Variants in MYLK4 observed in about 807,000 individuals in gnomAD.
The protein encoded by MYLK4 is myosin light chain kinase family member 4.
In MYLK4, 46 loss-of-function variants were observed where a neutral mutation model predicts 48.1. The ratio of observed to expected loss-of-function variants is 0.96; its 90% CI spans 0.75 to 1.22. MYLK4 has a LOEUF of 1.22. MYLK4 is among the 50% of genes most tolerant of loss of function. The pLI is 0.00. For synonymous variants in MYLK4, 170 were observed against 180.8 expected, an observed-to-expected ratio of 0.94 and a Z score of 0.48; for missense variants, 451 against 486.1, an observed-to-expected ratio of 0.93 and a Z score of 0.68.
In MYLK4 at chr6:2,700,083, G is replaced by A. The variant is rs568291085; in HGVS notation, c.160-7224C>T. Among the ~76,000 whole-genome samples, 18 of 152,132 alleles carry A rather than the reference G, an allele frequency of 1.2e-4. 1 individual carries two copies. The East Asian group carries it at 3.5e-3, about 29-fold the overall frequency. The stretch of plus-strand genomic sequence containing the variant: ...TGGATGTGCTGACACCTTATAATGA[G>A]TCTGATATTGTTATTTTCTTCCCAC... On this transcript the variant is annotated intron_variant, in intron 2 of 12. Transcript: ENST00000274643.
chr6:2,745,651 A>G (rs1764060025), intron 2 of MYLK4, among the ~76,000 whole-genome samples: 1 of 152,206 alleles, frequency 6.6e-6, no homozygotes, highest in Non-Finnish European at 1.5e-5. Context: ...TAGGCCACAC[A>G]CAGCAGCTCA....
At chr6:2,768,491 C>G in the MYLK4 span, among the ~76,000 whole-genome samples, 4 of 152,176 alleles carry the variant, frequency 2.6e-5, no homozygotes, top group African/African-American at 9.7e-5. Context: ...TAGCTACTTT[C>G]CTGTTTTATT....
At chr6:2,765,547 C>G in the MYLK4 span, 1 of 1,357,788 alleles carries the variant, frequency 7.4e-7, no homozygotes, top group Non-Finnish European at 9.4e-7. Flanking sequence ...CGGGGCCTAG[C>G]GGAGGGCATC....
At chr6:2,738,004 T>G (rs1343387591) in intron 2 of MYLK4, among the ~76,000 whole-genome samples, 1 of 134,812 alleles carries the variant, frequency 7.4e-6, no homozygotes, top group Non-Finnish European at 1.6e-5. Flanking sequence ...GTCAATGTTA[T>G]TAACCCCAGA....
intron 10 of MYLK4, among the ~76,000 whole-genome samples, chr6:2,677,140 T>C (rs967990214): frequency 6.6e-6 from 1 of 152,236 alleles, no homozygotes; most frequent in African/African-American, 2.4e-5. Flanking sequence ...GCCTTATCTT[T>C]GTGTTAACCA....
At chr6:2,680,796 G>A (rs975792478) in intron 7 of MYLK4, among the ~76,000 whole-genome samples, 4 of 152,168 alleles carry the variant, frequency 2.6e-5, no homozygotes, top group Admixed American at 6.5e-5. Flanking sequence ...AACGCCTATG[G>A]GAAAGTCGCA....
the MYLK4 span, among the ~76,000 whole-genome samples, chr6:2,769,232 T>TG: frequency 6.6e-6 from 1 of 152,230 alleles, no homozygotes; most frequent in Admixed American, 6.5e-5. Flanking sequence ...TAATGGGTTT[T>TG]TAAAAATTAC....
the MYLK4 span, among the ~76,000 whole-genome samples, chr6:2,761,511 GA>G: frequency 6.6e-6 from 1 of 152,154 alleles, no homozygotes; most frequent in Non-Finnish European, 1.5e-5. Flanking sequence ...AGACAGAGGG[GA>G]CTAGGGTTCA....
chr6:2,741,970 G>A (rs762321604), intron 2 of MYLK4, among the ~76,000 whole-genome samples: 3 of 152,122 alleles, frequency 2.0e-5, no homozygotes, highest in Non-Finnish European at 2.9e-5. Flanking sequence ...CAGGAGATAC[G>A]ATAAACAGCG....
intron 2 of MYLK4, among the ~76,000 whole-genome samples, chr6:2,720,358 C>T (rs914772494): frequency 1.0e-3 from 154 of 151,686 alleles, no homozygotes; most frequent in Admixed American, 1.3e-3. Context: ...GAGCCGAGAT[C>T]GCGCCACTAC....
intron 2 of MYLK4, among the ~76,000 whole-genome samples, chr6:2,706,831 G>A (rs1195209700): frequency 6.6e-6 from 1 of 152,194 alleles, no homozygotes; most frequent in Non-Finnish European, 1.5e-5. Context: ...CAATGCCTAC[G>A]ACGAGGTGAC....
chr6:2,685,230 C>T lies in MYLK4; in HGVS notation c.545+66G>A. ...GTCCCGCTACAGCAGGACGGAGCTA[C>T]TGAGGCACGGTCACGGTCATGAGTG... On this transcript the variant is annotated intron_variant, in intron 6 of 12. Transcript: ENST00000274643. The surrounding 1 kb of genome is among the most constrained non-coding windows in gnomAD (Gnocchi z 4.5). 2.5e-6 allele frequency: 3 copies of T among 1,220,238 alleles called. No homozygotes were observed. Among genetic ancestry groups the T allele is most frequent in the Non-Finnish European group, 3.6e-6 (3 of 826,588 alleles). The allele number at this position is 1,220,238 out of a possible 1,614,324, so 75.6% of individuals were successfully genotyped here. A position where few individuals can be genotyped will look rare whatever the true frequency, so the allele number is the denominator to read the frequency against.
chr6:2,703,734 G>C (rs909725009), intron 2 of MYLK4, among the ~76,000 whole-genome samples: 1 of 132,010 alleles, frequency 7.6e-6, no homozygotes, highest in Non-Finnish European at 1.5e-5. Context: ...GCAGTAGCAC[G>C]ATTTCGGCTC....
the MYLK4 span, chr6:2,766,416 T>C: frequency 6.3e-7 from 1 of 1,595,912 alleles, no homozygotes; most frequent in East Asian, 2.3e-5. Context: ...CCCTCGCTTA[T>C]CCTGTGGGGG....
chr6:2,679,198 G>A, intron 9 of MYLK4, 82 bp downstream of exon 9: 1 of 1,521,578 alleles, frequency 6.6e-7, no homozygotes, highest in East Asian at 2.3e-5. Flanking sequence ...TACCCCAATT[G>A]GGGCTTTTAT....
At chr6:2,760,952 C>T in the MYLK4 span, among the ~76,000 whole-genome samples, 1 of 152,078 alleles carries the variant, frequency 6.6e-6, no homozygotes, top group East Asian at 1.9e-4. Flanking sequence ...GATAACCATA[C>T]GACTAACTTT....
Position 2,672,332 on chromosome 6 carries a change from G to T in MYLK4, c.1120-984C>A, listed in dbSNP as rs142374958. Among the ~76,000 whole-genome samples, 184 of 152,214 alleles carry T rather than the reference G, an allele frequency of 1.2e-3. 5 individuals carry two copies. In the East Asian group the frequency reaches 0.029, roughly 24 times the overall value. ...GATGGAAACAGGTTATACACAGAGG[G>T]TTGGGGACGTAAGAAAGGCTGCAAA... On this transcript the variant is annotated intron_variant, in intron 11 of 12. Transcript: ENST00000274643. The surrounding 1 kb of genome is among the most constrained non-coding windows in gnomAD (Gnocchi z 4.3).
rs1051295541 is a variant in MYLK4, at chr6:2,749,329, G to A, written c.-35C>T. Reference sequence around the variant, plus strand: ...GAGTCCGATTAAGCTACTTTCTGGAGTGTGGTTTTCGTCTCCCTCTGTCTC... The same window carrying A: ...GAGTCCGATTAAGCTACTTTCTGGAATGTGGTTTTCGTCTCCCTCTGTCTC... On this transcript the variant is annotated 5_prime_UTR_variant, in exon 2 of 13. Transcript: ENST00000274643. The A allele has an allele frequency of 5.7e-6, 9 of 1,587,716 alleles. No individual in the cohort carries two copies. The highest frequency in any genetic ancestry group is 7.7e-6 in the Non-Finnish European group (9 of 1,163,526).
intron 2 of MYLK4, among the ~76,000 whole-genome samples, chr6:2,694,539 T>TGGTGATGGTGGTGGTGGCGGCGA (rs1761968084): frequency 6.0e-4 from 2 of 3,348 alleles, no homozygotes; most frequent in African/African-American, 1.2e-3. Context: ...GGTAGTAGTG[T>TGGTGATGGTGGTGGTGGCGGCGA]TGGTTGTGGT....
Sources: allele counts gnomAD v4.1 joint callset (sites outside exome capture counted in the v4.1 genomes callset), GRCh38; gene constraint gnomAD v4.1.1; non-coding constraint Gnocchi (gnomAD v3.1); transcripts MANE v1.5; gene names NCBI Gene and HGNC (gene_info 2026-07-23, HGNC 2026-07-21).